CCDC51: variants seen among roughly 807,000 people sequenced by gnomAD.
CCDC51 encodes coiled-coil domain containing 51, also known as mitochondrial potassium channel.
Under a neutral mutation model 24.8 loss-of-function variants are expected in CCDC51, and 25 were observed. The observed-to-expected ratio is 1.01, with a 90% confidence interval of 0.73 to 1.41. The LOEUF (loss-of-function observed/expected upper bound fraction) is 1.41. CCDC51 is among the 40% of genes most tolerant of loss of function. The pLI is 0.00. For synonymous variants in CCDC51, 190 were observed against 204.3 expected (o/e 0.93, Z 0.60); for missense variants, 466 against 519.1 (o/e 0.90, Z 0.99).
upstream of CCDC51, chr3:48,440,830 C>G (rs1224989357): frequency 6.6e-6 from 4 of 605,740 alleles, no homozygotes; most frequent in Admixed American, 6.0e-5. Context: ...TCCTGCCTCC[C>G]AGGCAGTCTG....
Position 48,440,080 on chromosome 3 carries a change from C to A in CCDC51, c.-101G>T. On this transcript the variant is annotated 5_prime_UTR_variant, in exon 1 of 4. Transcript: ENST00000395694. ...TTCCGATTCTACCCTGGCAGGACAA[C>A]CCTAGCTCCTCGTACCTGGCGTGGC... is the stretch of plus-strand genomic sequence containing the variant. 1 of 752,118 alleles carries A rather than the reference C, an allele frequency of 1.3e-6. No homozygotes were observed. Among genetic ancestry groups the A allele is most frequent in the Non-Finnish European group, 2.1e-6 (1 of 479,820 alleles). The allele number at this position is 752,118 out of a possible 1,614,324, so 46.6% of individuals were successfully genotyped here.
upstream of CCDC51, chr3:48,440,487 G>C (rs752281346): frequency 2.5e-6 from 4 of 1,604,760 alleles, no homozygotes; most frequent in Admixed American, 6.9e-5. Flanking sequence ...GCACTGGCGG[G>C]TGCGGGGGCG....
At chr3:48,438,316 A>G (rs938150482) in intron 1 of CCDC51, 3 of 152,092 alleles carry the variant, frequency 2.0e-5, no homozygotes, top group African/African-American at 4.8e-5. Context: ...ATATCAATAA[A>G]GTTGTTTTTT....
chr3:48,438,907 T>C (rs1227979966), intron 1 of CCDC51, among the ~76,000 whole-genome samples: 1 of 152,148 alleles, frequency 6.6e-6, no homozygotes, highest in Non-Finnish European at 1.5e-5. Flanking sequence ...TCTGACCTCA[T>C]CTCCCACTAG....
chr3:48,440,447 G>A (rs765521122), upstream of CCDC51: 52 of 1,612,336 alleles, frequency 3.2e-5, no homozygotes, highest in Admixed American at 8.0e-4. Context: ...GCAGGCCAAG[G>A]AGATGGACGA....
intron 1 of CCDC51, among the ~76,000 whole-genome samples, chr3:48,439,089 A>G (rs565490196): frequency 6.6e-6 from 1 of 152,000 alleles, no homozygotes; most frequent in Non-Finnish European, 1.5e-5. Context: ...TTCCCCATGC[A>G]CCCTATCAGA....
In CCDC51 at chr3:48,434,986, C is replaced by T. The variant is rs1309483744; in HGVS notation, c.143G>A (p.Arg48Lys). ...CAGCCCCAGGGCCACCTCCTCAGGT[C>T]TTTTCTCTCCGGGCTGGCTTGGGCC... Reference protein sequence around the residue: ...SPGPSQPGEKRPEEVALGLHH... With the variant: ...SPGPSQPGEKKPEEVALGLHH... The change falls in exon 2 of 4, where the codon AGA becomes AAA. Residue 48 changes from arginine to lysine, a missense_variant. Coordinates refer to ENST00000395694, the MANE Select transcript of CCDC51 (RefSeq NM_001256964.2). The T allele has an allele frequency of 6.2e-7, 1 of 1,614,146 alleles. No individual in the cohort carries two copies. The highest frequency in any genetic ancestry group is 2.2e-5 in the East Asian group (1 of 44,892).
In CCDC51 at chr3:48,432,892, T is replaced by A. The variant is rs1309308985; in HGVS notation, c.752A>T (p.Gln251Leu). The A allele has an allele frequency of 1.2e-6, 2 of 1,614,058 alleles. No individual in the cohort carries two copies. The highest frequency in any genetic ancestry group is 1.7e-6 in the Non-Finnish European group (2 of 1,180,028). The stretch of plus-strand genomic sequence containing the variant: ...CTGCTGGCGGGAGTAGCTAGACGCC[T>A]GTTCTCGAATGGCCTCTTGGAGACT... Reference protein sequence around the residue: ...PVSLQEAIREQASSYSRQQRD... With the variant: ...PVSLQEAIRELASSYSRQQRD... Residue 251 changes from glutamine (Q) to leucine (L), a missense_variant, in exon 4 of 4, where the codon CAG (glutamine) becomes CTG (leucine). Transcript: ENST00000395694.
chr3:48,434,715 G>A, intron 2 of CCDC51, 102 bp downstream of exon 2: 1 of 1,093,310 alleles, frequency 9.1e-7, no homozygotes, highest in Non-Finnish European at 1.3e-6. Flanking sequence ...GAGAAATGAG[G>A]CTAAACACAA....
At chr3:48,445,299 GA>G (rs1575433256), upstream of CCDC51, 1 of 152,174 alleles carries the variant, frequency 6.6e-6, no homozygotes, top group East Asian at 1.9e-4. Context: ...GAACCATTAT[GA>G]GACTGCTAAA....
Position 48,437,151 on chromosome 3 carries a change from C to T in CCDC51, c.-8-2015G>A, listed in dbSNP as rs2107141917. 2.0e-5 allele frequency among the ~76,000 whole-genome samples: 3 copies of T among 152,308 alleles called. No individual in the cohort carries two copies. In the South Asian group the frequency reaches 6.2e-4, roughly 32 times the overall value. On this transcript the variant is annotated intron_variant, in intron 1 of 3. Coordinates refer to ENST00000395694, the MANE Select transcript of CCDC51 (RefSeq NM_001256964.2). This position sits in a 1 kb window ranked among gnomAD's most constrained non-coding sequence, Gnocchi z 4.2. ...CATCTTCATCTTTGCCCAAATATCA[C>T]CTCTCAGTAAGGCTTCCTTGACCAC... is the stretch of plus-strand genomic sequence containing the variant.
chr3:48,438,344 T>C (rs1235172311), intron 1 of CCDC51: 1 of 152,074 alleles, frequency 6.6e-6, no homozygotes, highest in Non-Finnish European at 1.5e-5. Context: ...AAAACAGAAC[T>C]ATACTCTTGA....
rs182007282 is a variant in CCDC51, at chr3:48,433,636, C to T, written c.477+71G>A. On this transcript the variant is annotated intron_variant, in intron 3 of 3. Transcript: ENST00000395694. The surrounding 1 kb of genome is among the most constrained non-coding windows in gnomAD (Gnocchi z 4.4). ...CTACAGACCAGTCAGGGTTCCCACC[C>T]GGCCCCTCCATGATCTGCCAGGCTA... 490 of 1,524,236 alleles carry T rather than the reference C, an allele frequency of 3.2e-4. 5 individuals carry two copies. The East Asian group carries it at 9.8e-3, about 30-fold the overall frequency. The allele number at this position is 1,524,236 out of a possible 1,614,324, so 94.4% of individuals were successfully genotyped here.
In CCDC51 at chr3:48,432,276, G is replaced by T; in HGVS notation, c.*132C>A. On this transcript the variant is annotated 3_prime_UTR_variant, in exon 4 of 4. Transcript: ENST00000395694. ...TACAAAGCGAAGCATGCCTGCTGGT[G>T]AGCCACACAGATACTGCTCCTTCAG... The T allele has an allele frequency of 9.8e-7, 1 of 1,016,142 alleles. No homozygotes were observed. Among genetic ancestry groups the T allele is most frequent in the Non-Finnish European group, 1.4e-6 (1 of 702,176 alleles). The allele number at this position is 1,016,142 out of a possible 1,614,324, so 62.9% of individuals were successfully genotyped here. A position where few individuals can be genotyped will look rare whatever the true frequency, so the allele number is the denominator to read the frequency against.
the CCDC51 span, among the ~76,000 whole-genome samples, chr3:48,445,486 C>G: frequency 6.6e-6 from 1 of 152,184 alleles, no homozygotes; most frequent in Non-Finnish European, 1.5e-5. Context: ...GGCACCCAGC[C>G]GTATGCTGCT....
upstream of CCDC51, chr3:48,440,495 G>A (rs758756929): frequency 8.1e-6 from 13 of 1,604,238 alleles, no homozygotes; most frequent in Admixed American, 6.9e-5. Context: ...GGGTGCGGGG[G>A]CGCTGGGAGA....
upstream of CCDC51, chr3:48,444,242 T>C (rs1335891268): frequency 5.6e-6 from 1 of 177,894 alleles, no homozygotes; most frequent in Non-Finnish European, 1.2e-5. Context: ...CCTGACAGAA[T>C]ACCTTACATG....
chr3:48,440,210 A>T, upstream of CCDC51: 1 of 1,518,586 alleles, frequency 6.6e-7, no homozygotes, highest in South Asian at 1.3e-5. Flanking sequence ...GGAGCCAATC[A>T]GCGGGGCCGC....
chr3:48,442,486 C>CT (rs1377115432), upstream of CCDC51, among the ~76,000 whole-genome samples: 3 of 142,448 alleles, frequency 2.1e-5, no homozygotes, highest in Non-Finnish European at 3.0e-5. Context: ...TAGTCTCACT[C>CT]TGTCGCCCAG....
Sources: allele counts gnomAD v4.1 joint callset (sites outside exome capture counted in the v4.1 genomes callset), GRCh38; gene constraint gnomAD v4.1.1; non-coding constraint Gnocchi (gnomAD v3.1); transcripts MANE v1.5; gene names NCBI Gene and HGNC (gene_info 2026-07-23, HGNC 2026-07-21).